CAMTA1: variants seen among roughly 807,000 people sequenced by gnomAD.
CAMTA1 encodes the protein calmodulin binding transcription activator 1.
A neutral mutation model predicts 170.9 loss-of-function variants in CAMTA1; 27 were observed. The observed-to-expected ratio is 0.16, with a 90% CI of 0.12 to 0.22. The LOEUF (loss-of-function observed/expected upper bound fraction) is 0.22. CAMTA1 is among the 10% of genes least tolerant of loss of function. CAMTA1 has a pLI of 1.00. For synonymous variants in CAMTA1, 833 were observed against 891.5 expected, an observed-to-expected ratio of 0.93 and a Z score of 1.17; for missense variants, 1,619 against 2,217.2, an observed-to-expected ratio of 0.73 and a Z score of 5.42.
Position 7,562,456 on chromosome 1 carries a change from C to T in CAMTA1, c.511-77944C>T, listed in dbSNP as rs1409519677. On this transcript the variant is annotated intron_variant, in intron 6 of 22. Coordinates refer to ENST00000303635, the MANE Select transcript of CAMTA1 (RefSeq NM_015215.4). The surrounding 1 kb of genome is among the most constrained non-coding windows in gnomAD (Gnocchi z 4.8). ...GCGATGCTGGAACTTCTGCCTGGCT[C>T]TCCGCATTCTTCCCCCAGGCTGGCA... is the stretch of plus-strand genomic sequence containing the variant. Among the ~76,000 whole-genome samples the T allele has an allele frequency of 6.6e-6, 1 of 152,150 alleles. No homozygotes were observed. The highest frequency in any genetic ancestry group is 1.5e-5 in the Non-Finnish European group (1 of 68,026).
rs2094719524 is a variant in CAMTA1, at chr1:7,547,830, C to CT, written c.510+79929_510+79930insT. Among the ~76,000 whole-genome samples, 1 of 116,042 alleles carries CT rather than the reference C, an allele frequency of 8.6e-6. No homozygotes were observed. The highest frequency in any genetic ancestry group is 3.0e-4 in the South Asian group (1 of 3,374). 76.1% of individuals were successfully genotyped at this position (116,042 alleles called of 152,430 possible). On this transcript the variant is annotated intron_variant, in intron 6 of 22. Transcript: ENST00000303635. The surrounding 1 kb of genome is among the most constrained non-coding windows in gnomAD (Gnocchi z 5.7). ...TCACATCTCTGCCACCCCATGTGGG[C>CT]CCCCTCCAAACCCAGACTCTGACAC...
At chr1:7,245,627 G>A (rs577094505) in intron 4 of CAMTA1, among the ~76,000 whole-genome samples, 42 of 152,162 alleles carry the variant, frequency 2.8e-4, no homozygotes, top group African/African-American at 9.6e-4. Context: ...TTAGATAAAA[G>A]GTTTCCTTGG....
At chr1:7,240,946 G>A (rs1409319933) in intron 4 of CAMTA1, among the ~76,000 whole-genome samples, 1 of 152,164 alleles carries the variant, frequency 6.6e-6, no homozygotes, top group African/African-American at 2.4e-5. Flanking sequence ...TGGACTGGAG[G>A]TGCCAGCCAG....
intron 4 of CAMTA1, among the ~76,000 whole-genome samples, chr1:7,104,324 C>T (rs1643354976): frequency 6.6e-6 from 1 of 152,016 alleles, no homozygotes; most frequent in Admixed American, 6.6e-5. Context: ...CAGAAACACA[C>T]ACATATACAT....
At chr1:7,423,944 C>T (rs957528711) in intron 5 of CAMTA1, among the ~76,000 whole-genome samples, 15 of 152,174 alleles carry the variant, frequency 9.9e-5, no homozygotes, top group Non-Finnish European at 2.2e-4. Flanking sequence ...CAACTCTTTG[C>T]CCAAATGTCA....
chr1:6,880,530 C>T (rs1671272008), intron 3 of CAMTA1, among the ~76,000 whole-genome samples: 1 of 151,350 alleles, frequency 6.6e-6, no homozygotes, highest in Non-Finnish European at 1.5e-5. Context: ...ACTGGGACCA[C>T]AGGGGCATGC....
intron 4 of CAMTA1, among the ~76,000 whole-genome samples, chr1:7,118,031 A>C (rs1644433472): frequency 6.6e-6 from 1 of 152,094 alleles, no homozygotes; most frequent in Non-Finnish European, 1.5e-5. Context: ...TTGGCTTACA[A>C]AGGCTTCATT....
intron 4 of CAMTA1, among the ~76,000 whole-genome samples, chr1:7,189,329 G>A (rs181393731): frequency 3.5e-4 from 54 of 152,194 alleles, no homozygotes; most frequent in Non-Finnish European, 3.4e-4. Context: ...ATTGAGTGAG[G>A]TCCATGACAT....
intron 5 of CAMTA1, among the ~76,000 whole-genome samples, chr1:7,373,383 C>G (rs997146757): frequency 2.0e-5 from 3 of 152,354 alleles, no homozygotes; most frequent in South Asian, 2.1e-4. Flanking sequence ...CCCCAGGGAG[C>G]CCCGAGTTGG....
At chr1:6,868,106 G>T (rs1476267921) in intron 3 of CAMTA1, among the ~76,000 whole-genome samples, 2 of 152,024 alleles carry the variant, frequency 1.3e-5, no homozygotes, top group Non-Finnish European at 2.9e-5. Flanking sequence ...AAGCGTGCCT[G>T]GCCTGGGTAG....
chr1:6,970,161 A>G lies in CAMTA1; in HGVS notation c.235-121143A>G, dbSNP rs539972459. On this transcript the variant is annotated intron_variant, in intron 3 of 22. Transcript: ENST00000303635. This position sits in a 1 kb window ranked among gnomAD's most constrained non-coding sequence, Gnocchi z 4.4. ...ACAAATGTATTTTTGTTATAAAATT[A>G]TATAATAATCTTCCAGAAATTGAGG... Among the ~76,000 whole-genome samples, 8 of 152,356 alleles carry G rather than the reference A, an allele frequency of 5.3e-5. No individual in the cohort carries two copies. The highest frequency in any genetic ancestry group is 2.1e-4 in the South Asian group (1 of 4,826).
At chr1:7,527,894 G>C (rs2094447869) in intron 6 of CAMTA1, among the ~76,000 whole-genome samples, 1 of 152,190 alleles carries the variant, frequency 6.6e-6, no homozygotes, top group South Asian at 2.1e-4. Context: ...ACCTGCCAGA[G>C]GTTGGGACAA....
At chr1:7,297,928 G>T (rs1674210041) in intron 5 of CAMTA1, among the ~76,000 whole-genome samples, 1 of 152,172 alleles carries the variant, frequency 6.6e-6, no homozygotes. Context: ...ATTGTGGCAG[G>T]AATCAATATC....
In CAMTA1 at chr1:7,426,580, G is replaced by A. The variant is rs536134746; in HGVS notation, c.439-41250G>A. ...AAAGATTAACTTTAGTGAAAGCTTCGAGGTTTGGCAAATCCATAATTAATC... is the reference window on the plus strand; with the variant it reads ...AAAGATTAACTTTAGTGAAAGCTTCAAGGTTTGGCAAATCCATAATTAATC... On this transcript the variant is annotated intron_variant, in intron 5 of 22. Coordinates refer to ENST00000303635, the MANE Select transcript of CAMTA1 (RefSeq NM_015215.4). This position sits in a 1 kb window ranked among gnomAD's most constrained non-coding sequence, Gnocchi z 4.8. Among the ~76,000 whole-genome samples the A allele has an allele frequency of 9.8e-4, 149 of 152,258 alleles. No individual in the cohort carries two copies. Among genetic ancestry groups the A allele is most frequent in the Non-Finnish European group, 1.7e-3 (117 of 68,020 alleles).
intron 3 of CAMTA1, among the ~76,000 whole-genome samples, chr1:6,898,813 A>G (rs1394914008): frequency 1.3e-5 from 2 of 152,334 alleles, no homozygotes; most frequent in Middle Eastern, 3.4e-3. Context: ...GATACCAAGA[A>G]GGACCTCCAG....
Position 7,531,615 on chromosome 1 carries a change from G to A in CAMTA1, c.510+63714G>A, listed in dbSNP as rs572944402. Among the ~76,000 whole-genome samples, 19 of 152,316 alleles carry A rather than the reference G, an allele frequency of 1.2e-4. No individual in the cohort carries two copies. The East Asian group carries it at 2.1e-3, about 17-fold the overall frequency. On this transcript the variant is annotated intron_variant, in intron 6 of 22. Coordinates refer to ENST00000303635, the MANE Select transcript of CAMTA1 (RefSeq NM_015215.4). Reference sequence around the variant, plus strand: ...AAGCAGGCCTGAGAGAAGTGTGCCCGGATCCCCTAGGCTGGGGGACCCAGA... The same window carrying A: ...AAGCAGGCCTGAGAGAAGTGTGCCCAGATCCCCTAGGCTGGGGGACCCAGA...
chr1:7,125,567 A>G (rs1573266213), intron 4 of CAMTA1, among the ~76,000 whole-genome samples: 2 of 152,180 alleles, frequency 1.3e-5, no homozygotes, highest in South Asian at 4.1e-4. Flanking sequence ...AAATAAGCAG[A>G]GGCCCCAAGG....
intron 4 of CAMTA1, among the ~76,000 whole-genome samples, chr1:7,217,716 T>TA (rs2149106888): frequency 6.6e-6 from 1 of 152,286 alleles, no homozygotes; most frequent in East Asian, 1.9e-4. Flanking sequence ...TACTAACTTT[T>TA]ACCATTTGGT....
At chr1:7,450,949 A>G (rs2092809561) in intron 5 of CAMTA1, among the ~76,000 whole-genome samples, 1 of 152,188 alleles carries the variant, frequency 6.6e-6, no homozygotes, top group Non-Finnish European at 1.5e-5. Flanking sequence ...GCTGCAGGAC[A>G]ATCTGTTATT....
Sources: gnomAD v4.1 joint callset for allele counts (sites outside exome capture counted in the v4.1 genomes callset) on GRCh38, gnomAD v4.1.1 for gene constraint, Gnocchi (gnomAD v3.1) non-coding constraint, MANE v1.5 for transcripts, NCBI Gene and HGNC (gene_info 2026-07-23, HGNC 2026-07-21) for gene names.